The following KLHL1 variants were observed in gnomAD, a reference collection of about 807,000 sequenced individuals.
KLHL1 encodes kelch like family member 1.
A neutral mutation model predicts 77.7 loss-of-function variants in KLHL1; 47 were observed. The observed-to-expected ratio is 0.60, with a 90% CI of 0.48 to 0.77. The LOEUF is 0.77. Ranked by LOEUF, KLHL1 falls within the 30% of genes least tolerant of loss-of-function variation. The pLI, the probability that KLHL1 is intolerant of heterozygous loss-of-function variation, is 0.00. For synonymous variants in KLHL1, 360 were observed against 325.2 expected (o/e 1.11, Z -1.15); for missense variants, 925 against 910.8 (o/e 1.02, Z -0.20).
intron 5 of KLHL1, among the ~76,000 whole-genome samples, chr13:69,865,516 A>T (rs962264187): frequency 6.6e-6 from 1 of 152,114 alleles, no homozygotes; most frequent in Non-Finnish European, 1.5e-5. Context: ...TTGTGTTTTT[A>T]AAAAATTTAC....
intron 7 of KLHL1, among the ~76,000 whole-genome samples, chr13:69,741,162 A>G (rs1267016680): frequency 6.6e-6 from 1 of 152,148 alleles, no homozygotes; most frequent in Non-Finnish European, 1.5e-5. Context: ...TACTAAACAC[A>G]AGCAATTAAA....
intron 1 of KLHL1, among the ~76,000 whole-genome samples, chr13:69,997,388 G>A (rs914354654): frequency 7.0e-5 from 10 of 142,242 alleles, no homozygotes; most frequent in African/African-American, 2.3e-4. Flanking sequence ...TAGGTACGAC[G>A]TTGCACAGAA....
At chr13:70,066,484 T>C (rs1887008232) in intron 1 of KLHL1, among the ~76,000 whole-genome samples, 1 of 152,208 alleles carries the variant, frequency 6.6e-6, no homozygotes, top group African/African-American at 2.4e-5. Flanking sequence ...CAATGAGTTA[T>C]GACATCAGAG....
chr13:70,023,333 G>C (rs1885849911), intron 1 of KLHL1, among the ~76,000 whole-genome samples: 1 of 151,686 alleles, frequency 6.6e-6, no homozygotes, highest in Non-Finnish European at 1.5e-5. Context: ...TCAAATATTT[G>C]TTATTTTCTG....
At chr13:69,883,088 T>A (rs1881062183) in intron 4 of KLHL1, among the ~76,000 whole-genome samples, 1 of 152,192 alleles carries the variant, frequency 6.6e-6, no homozygotes, top group Admixed American at 6.5e-5. Flanking sequence ...TTCTTCCTGT[T>A]TGCTCCCATA....
chr13:69,712,256 C>T (rs9542037), intron 9 of KLHL1, among the ~76,000 whole-genome samples: 73,854 of 138,158 alleles, frequency 0.53, 19,467 homozygotes, highest in East Asian at 0.73. Flanking sequence ...GTCTTTCACA[C>T]CTCATTTTTT....
Position 69,700,609 on chromosome 13 carries a change from G to T in KLHL1, c.*1093C>A, listed in dbSNP as rs893855796. Reference sequence around the variant, plus strand: ...ATACACTGATAAATGCAAATTTTTTGATCATTTATTAATTGTAATTAAAAT... The same window carrying T: ...ATACACTGATAAATGCAAATTTTTTTATCATTTATTAATTGTAATTAAAAT... On this transcript the variant is annotated 3_prime_UTR_variant, in exon 11 of 11. Coordinates refer to ENST00000377844, the MANE Select transcript of KLHL1 (RefSeq NM_020866.3). 6 of 152,208 alleles carry T rather than the reference G, an allele frequency of 3.9e-5. No individual in the cohort carries two copies. The highest frequency in any genetic ancestry group is 2.0e-4 in the Admixed American group (3 of 15,246). The allele number at this position is 152,208 out of a possible 1,614,324, so 9.4% of individuals were successfully genotyped here. A position where few individuals can be genotyped will look rare whatever the true frequency, so the allele number is the denominator to read the frequency against.
intron 5 of KLHL1, among the ~76,000 whole-genome samples, chr13:69,849,227 C>T (rs1483486023): frequency 1.3e-5 from 2 of 151,444 alleles, no homozygotes; most frequent in Non-Finnish European, 3.0e-5. Context: ...CTCTCTGTTC[C>T]CCTAAAACAT....
intron 1 of KLHL1, among the ~76,000 whole-genome samples, chr13:70,017,593 C>A (rs1220787135): frequency 6.6e-6 from 1 of 152,138 alleles, no homozygotes; most frequent in Non-Finnish European, 1.5e-5. Flanking sequence ...GTGCTGGAAG[C>A]AAGAGCTGAG....
At chr13:70,032,855 G>A (rs1886137484) in intron 1 of KLHL1, among the ~76,000 whole-genome samples, 1 of 152,090 alleles carries the variant, frequency 6.6e-6, no homozygotes, top group South Asian at 2.1e-4. Flanking sequence ...TTACTATGTG[G>A]TTGGTGCAAA....
chr13:69,839,231 C>T, intron 5 of KLHL1, 69 bp from the exon 6 acceptor site: 2 of 1,118,068 alleles, frequency 1.8e-6, no homozygotes, highest in Non-Finnish European at 1.3e-6. Context: ...TTCCTTAAAA[C>T]TAGAAGTTTA....
rs115594194 is a variant in KLHL1 at position 69,780,892 on chromosome 13, T to G, written c.1639+15846A>C. On this transcript the variant is annotated intron_variant, in intron 7 of 10. Transcript: ENST00000377844. ...TTTATGAAACCTCATTGATTCTGTT[T>G]CCCTGACACATGAGCATTTCTGGAT... Among the ~76,000 whole-genome samples the G allele has an allele frequency of 4.3e-3, 660 of 151,776 alleles. 9 individuals are homozygous for G. Among genetic ancestry groups the G allele is most frequent in the African/African-American group, 0.015 (635 of 41,360 alleles).
chr13:69,794,467 G>A (rs1235361928), intron 7 of KLHL1, among the ~76,000 whole-genome samples: 1 of 151,594 alleles, frequency 6.6e-6, no homozygotes, highest in East Asian at 1.9e-4. Flanking sequence ...GCATCTTAAA[G>A]GTGGGAGAGA....
intron 1 of KLHL1, among the ~76,000 whole-genome samples, chr13:70,086,663 T>G (rs1351391820): frequency 6.7e-6 from 1 of 150,026 alleles, no homozygotes; most frequent in Non-Finnish European, 1.5e-5. Context: ...CTTATTTATT[T>G]TGTTTTCTAG....
rs981950309 is a variant in KLHL1, at chr13:69,714,295, T to C, written c.2015+5074A>G. On this transcript the variant is annotated intron_variant, in intron 9 of 10. Coordinates refer to ENST00000377844, the MANE Select transcript of KLHL1 (RefSeq NM_020866.3). ...CAAGGTTGAGGAGAGGAGAAATGAGTTGTTGACAGAACAAAAAGAAAACAA... is the reference window on the plus strand; with the variant it reads ...CAAGGTTGAGGAGAGGAGAAATGAGCTGTTGACAGAACAAAAAGAAAACAA... Among the ~76,000 whole-genome samples the C allele has an allele frequency of 3.3e-5, 5 of 152,168 alleles. No individual in the cohort carries two copies. The South Asian group carries it at 6.2e-4, about 19-fold the overall frequency.
chr13:69,882,251 G>C (rs1881028167), intron 5 of KLHL1, 32 bp downstream of exon 5: 2 of 1,429,524 alleles, frequency 1.4e-6, no homozygotes, highest in Admixed American at 1.7e-5. Flanking sequence ...TCAGTACATT[G>C]AATCTATTTA....
rs74888168 is a variant in KLHL1, at chr13:69,789,999, C to T, written c.1639+6739G>A. On this transcript the variant is annotated intron_variant, in intron 7 of 10. Transcript: ENST00000377844. ...TAGAAACATCTTTGTCCTCACCAGG[C>T]GTTCACCGAGATGTAATTGTGGTCT... is the stretch of plus-strand genomic sequence containing the variant. Among the ~76,000 whole-genome samples, 1,272 of 152,204 alleles carry T rather than the reference C, an allele frequency of 8.4e-3. 11 individuals carry two copies. The highest frequency in any genetic ancestry group is 0.043 in the East Asian group (223 of 5,158).
chr13:69,976,809 A>G (rs1884557930), intron 1 of KLHL1, among the ~76,000 whole-genome samples: 1 of 152,150 alleles, frequency 6.6e-6, no homozygotes, highest in East Asian at 1.9e-4. Context: ...TGCATTCAAT[A>G]GGCTCTACTG....
intron 6 of KLHL1, among the ~76,000 whole-genome samples, chr13:69,804,840 T>C (rs1006231530): frequency 6.6e-5 from 10 of 152,174 alleles, no homozygotes; most frequent in South Asian, 4.1e-4. Flanking sequence ...TTTGATGTAT[T>C]GTCTTTTAAA....
Sources: gnomAD v4.1 joint callset for allele counts (sites outside exome capture counted in the v4.1 genomes callset) on GRCh38, gnomAD v4.1.1 for gene constraint, MANE v1.5 for transcripts, NCBI Gene and HGNC (gene_info 2026-07-23, HGNC 2026-07-21) for gene names.